Variants in F10 observed in about 807,000 individuals in gnomAD.
The protein encoded by F10 is Stuart-Prower factor.
In F10, 29 loss-of-function variants were observed where a neutral mutation model predicts 37.1. The ratio of observed to expected loss-of-function variants is 0.78; its 90% CI spans 0.58 to 1.07. The LOEUF (loss-of-function observed/expected upper bound fraction) is 1.07, where lower values mean the gene tolerates loss of function less well. Ranked by LOEUF, F10 falls within the 50% of genes least tolerant of loss-of-function variation. The pLI is 0.00. For synonymous variants in F10, 262 were observed against 268.6 expected (o/e 0.98, Z 0.24); for missense variants, 539 against 667.9 (o/e 0.81, Z 2.13).
intron 1 of F10, among the ~76,000 whole-genome samples, chr13:113,126,526 G>A (rs892714153): frequency 6.6e-6 from 1 of 152,196 alleles, no homozygotes; most frequent in African/African-American, 2.4e-5. Flanking sequence ...GACAGTGAGG[G>A]CGTCAGGCTC....
intron 1 of F10, among the ~76,000 whole-genome samples, chr13:113,123,389 C>T (rs1395084294): frequency 1.3e-5 from 2 of 152,160 alleles, no homozygotes; most frequent in African/African-American, 2.4e-5. Flanking sequence ...GAGCCAGTGC[C>T]ACCACTCTCG....
In F10 at chr13:113,149,527, C is replaced by T. The variant is rs753197966; in HGVS notation, c.*10C>T. The T allele has an allele frequency of 1.9e-6, 3 of 1,612,978 alleles. No homozygotes were observed. The highest frequency in any genetic ancestry group is 2.5e-6 in the Non-Finnish European group (3 of 1,180,042). On this transcript the variant is annotated 3_prime_UTR_variant, in exon 8 of 8. Coordinates refer to ENST00000375559, the MANE Select transcript of F10 (RefSeq NM_000504.4). This position sits in a 1 kb window ranked among gnomAD's most constrained non-coding sequence, Gnocchi z 7.5. Reference sequence around the variant, plus strand: ...CTCTCCATTAAAGTGAGATCCCACTCAAGGCCTGGTTTGTCTCTCGATTGC... The same window carrying T: ...CTCTCCATTAAAGTGAGATCCCACTTAAGGCCTGGTTTGTCTCTCGATTGC...
intron 1 of F10, among the ~76,000 whole-genome samples, chr13:113,123,754 C>A (rs2036343536): frequency 6.6e-6 from 1 of 152,138 alleles, no homozygotes; most frequent in Non-Finnish European, 1.5e-5. Flanking sequence ...ACCTAAACGG[C>A]CCCTCCGCCT....
Position 113,144,157 on chromosome 13 carries a change from G to T in F10, c.747+62G>T. 6.2e-7 allele frequency: 1 copy of T among 1,608,698 alleles called. No homozygotes were observed. On this transcript the variant is annotated intron_variant, in intron 6 of 7. Coordinates refer to ENST00000375559, the MANE Select transcript of F10 (RefSeq NM_000504.4). This position sits in a 1 kb window ranked among gnomAD's most constrained non-coding sequence, Gnocchi z 6.4. ...ACCACCTGTCCCGCTGTGCACCTCG[G>T]GGAGGCCAGCCTGACACTTGGAATA...
At chr13:113,142,267 T>C (rs61966441) in intron 5 of F10, among the ~76,000 whole-genome samples, 5,196 of 152,144 alleles carry the variant, frequency 0.034, 113 homozygotes, top group Non-Finnish European at 0.05. Context: ...GTGGGCCGGG[T>C]GCAGTAGCTC....
rs2036548916 is a variant in F10, at chr13:113,143,191, C to A, written c.503-660C>A. ...TCCTCTCCTCTCCTGCTCCCCCACACCCCTGCCTTCCTCCAACATGTTTCA... is the reference window on the plus strand; with the variant it reads ...TCCTCTCCTCTCCTGCTCCCCCACAACCCTGCCTTCCTCCAACATGTTTCA... On this transcript the variant is annotated intron_variant, in intron 5 of 7. Transcript: ENST00000375559. The surrounding 1 kb of genome is among the most constrained non-coding windows in gnomAD (Gnocchi z 6.8). Among the ~76,000 whole-genome samples the A allele has an allele frequency of 6.6e-6, 1 of 151,740 alleles. No homozygotes were observed. Among genetic ancestry groups the A allele is most frequent in the South Asian group, 2.1e-4 (1 of 4,782 alleles).
chr13:113,143,083 A>G lies in F10; in HGVS notation c.503-768A>G, dbSNP rs2036547990. 6.6e-6 allele frequency among the ~76,000 whole-genome samples: 1 copy of G among 152,086 alleles called. No individual in the cohort carries two copies. The highest frequency in any genetic ancestry group is 2.1e-4 in the South Asian group (1 of 4,820). On this transcript the variant is annotated intron_variant, in intron 5 of 7. Transcript: ENST00000375559. The surrounding 1 kb of genome is among the most constrained non-coding windows in gnomAD (Gnocchi z 6.8). ...GAGCCTCCTCAGACTGCGCAGGAGC[A>G]CAGCAAGTAAACAGCTAAGCTGTGC... is the stretch of plus-strand genomic sequence containing the variant.
At position 113,139,617 on chromosome 13, in the gene F10, T is replaced by C; in HGVS notation, c.370+147T>C. ...GGGCTCTATTATACCTATTATACTG[T>C]GCCACTATAGCAATAGAAAAAAAAG... On this transcript the variant is annotated intron_variant, in intron 4 of 7. Transcript: ENST00000375559. The surrounding 1 kb of genome is among the most constrained non-coding windows in gnomAD (Gnocchi z 5.2). The C allele has an allele frequency of 1.4e-6, 1 of 708,588 alleles. No homozygotes were observed. Among genetic ancestry groups the C allele is most frequent in the South Asian group, 1.6e-5 (1 of 63,308 alleles). 43.9% of individuals were successfully genotyped at this position (708,588 alleles called of 1,614,324 possible).
At chr13:113,135,030 C>T (rs1389627195) in intron 2 of F10, among the ~76,000 whole-genome samples, 3 of 151,878 alleles carry the variant, frequency 2.0e-5, no homozygotes, top group Non-Finnish European at 4.4e-5. Flanking sequence ...CACCTAAGGT[C>T]GGGAGTTCGA....
intron 2 of F10, among the ~76,000 whole-genome samples, chr13:113,137,275 C>T (rs2138538346): frequency 6.6e-6 from 1 of 152,096 alleles, no homozygotes; most frequent in East Asian, 1.9e-4. Context: ...CTTTCATTTA[C>T]ATGACATGCT....
Position 113,143,706 on chromosome 13 carries a change from GCCTCGCCC to G in F10, c.503-144_503-137del. The G allele has an allele frequency of 3.7e-5, 45 of 1,222,830 alleles. No homozygotes were observed. Among genetic ancestry groups the G allele is most frequent in the Admixed American group, 3.0e-4 (13 of 43,760 alleles). The allele number at this position is 1,222,830 out of a possible 1,614,324, so 75.7% of individuals were successfully genotyped here. A position where few individuals can be genotyped will look rare whatever the true frequency, so the allele number is the denominator to read the frequency against. Reference sequence around the variant, plus strand: ...ATCCGACCCCTGCCGACGACGTGGGGCCTCGCCCTGCAAGCCCGCTGCCCCTCCGGGTG... The same window carrying G: ...ATCCGACCCCTGCCGACGACGTGGGGTGCAAGCCCGCTGCCCCTCCGGGTG... On this transcript the variant is annotated intron_variant, in intron 5 of 7. Coordinates refer to ENST00000375559, the MANE Select transcript of F10 (RefSeq NM_000504.4). The surrounding 1 kb of genome is among the most constrained non-coding windows in gnomAD (Gnocchi z 6.8).
intron 7 of F10, among the ~76,000 whole-genome samples, chr13:113,148,343 A>AAAAAT (rs1566922240): frequency 2.0e-5 from 2 of 99,196 alleles, no homozygotes; most frequent in East Asian, 1.0e-3. Context: ...AAAAAAAAAA[A>AAAAAT]AAATATATAT....
Position 113,126,006 on chromosome 13 carries a change from T to G in F10, c.70+3081T>G, listed in dbSNP as rs1427729647. Reference sequence around the variant, plus strand: ...GCTGGGCCTGAGCCACTTGGGTATCTGTGGAAAGAATGTTCCAGACAGGGA... The same window carrying G: ...GCTGGGCCTGAGCCACTTGGGTATCGGTGGAAAGAATGTTCCAGACAGGGA... On this transcript the variant is annotated intron_variant, in intron 1 of 7. Transcript: ENST00000375559. 4.0e-5 allele frequency among the ~76,000 whole-genome samples: 6 copies of G among 151,850 alleles called. No homozygotes were observed. In the East Asian group the frequency reaches 1.2e-3, roughly 29 times the overall value.
At chr13:113,136,545 C>G (rs1413166121) in intron 2 of F10, among the ~76,000 whole-genome samples, 3 of 151,798 alleles carry the variant, frequency 2.0e-5, no homozygotes, top group Non-Finnish European at 2.9e-5. Flanking sequence ...ACAACCTCCT[C>G]CTCTCAGGTT....
chr13:113,147,268 G>C, intron 6 of F10, 111 bp from the exon 7 acceptor site: 1 of 764,910 alleles, frequency 1.3e-6, no homozygotes, highest in East Asian at 2.5e-5. Context: ...GACCGAAGAG[G>C]ACAGCTTGGC....
chr13:113,129,633 G>A, intron 2 of F10, 21 bp downstream of exon 2: 1 of 1,613,836 alleles, frequency 6.2e-7, no homozygotes, highest in Non-Finnish European at 8.5e-7. Flanking sequence ...GGGATAGCCT[G>A]GCTGTTGGTA....
In F10 at chr13:113,134,304, G is replaced by A. The variant is rs146455943; in HGVS notation, c.232-4153G>A. 3.1e-3 allele frequency among the ~76,000 whole-genome samples: 474 copies of A among 152,224 alleles called. 2 individuals carry two copies. Among genetic ancestry groups the A allele is most frequent in the African/African-American group, 0.011 (447 of 41,532 alleles). On this transcript the variant is annotated intron_variant, in intron 2 of 7. Coordinates refer to ENST00000375559, the MANE Select transcript of F10 (RefSeq NM_000504.4). ...AAAGCTTGTTTTAGTCCCTTCTCAC[G>A]CTGCTGTGAAGAACTACCCGAGACT...
At chr13:113,148,731 T>C (rs1289849369) in intron 7 of F10, among the ~76,000 whole-genome samples, 185 bp from the exon 8 acceptor site, 1 of 152,212 alleles carries the variant, frequency 6.6e-6, no homozygotes, top group Admixed American at 6.5e-5. Context: ...AGTGGTTCCC[T>C]GGGCAGCAAG....
rs1245023738 is a variant in F10 at position 113,141,075 on chromosome 13, C to T, written c.502+25C>T. 5.0e-6 allele frequency: 8 copies of T among 1,612,018 alleles called. No homozygotes were observed. The highest frequency in any genetic ancestry group is 4.0e-5 in the African/African-American group (3 of 74,926). ...GGTAGGAGGCACGTTGGGCCACAGC[C>T]ACCCGCTGCCGCTGGGCCGGGCCAG... On this transcript the variant is annotated intron_variant, in intron 5 of 7. Transcript: ENST00000375559. The surrounding 1 kb of genome is among the most constrained non-coding windows in gnomAD (Gnocchi z 5.4).
Sources: gnomAD v4.1 joint callset for allele counts (sites outside exome capture counted in the v4.1 genomes callset) on GRCh38, gnomAD v4.1.1 for gene constraint, Gnocchi (gnomAD v3.1) non-coding constraint, MANE v1.5 for transcripts, NCBI Gene and HGNC (gene_info 2026-07-23, HGNC 2026-07-21) for gene names.